The following CCSER1 variants were observed in gnomAD, a reference collection of about 807,000 sequenced individuals.
CCSER1 encodes serine-rich coiled-coil domain-containing protein 1.
Under a neutral mutation model 82.0 loss-of-function variants are expected in CCSER1, and 41 were observed. The observed-to-expected ratio is 0.50, with a 90% CI of 0.39 to 0.65. The LOEUF (loss-of-function observed/expected upper bound fraction) is 0.65. Among genes scored for constraint, CCSER1 ranks in the 30% least tolerant of loss-of-function variants. The pLI is 0.00. For missense variants in CCSER1, 1,119 were observed against 1,064.2 expected, an observed-to-expected ratio of 1.05 and a Z score of -0.72; for synonymous variants, 414 against 383.9, an observed-to-expected ratio of 1.08 and a Z score of -0.92.
chr4:91,470,132 G>A (rs1033087827), intron 10 of CCSER1, among the ~76,000 whole-genome samples: 9 of 152,096 alleles, frequency 5.9e-5, no homozygotes, highest in Middle Eastern at 3.2e-3. Flanking sequence ...TGGGCTAATC[G>A]TATCTTTATT....
chr4:90,862,194 T>TA (rs1200335788), intron 8 of CCSER1, among the ~76,000 whole-genome samples: 2 of 151,732 alleles, frequency 1.3e-5, no homozygotes, highest in African/African-American at 4.8e-5. Context: ...GTTATTTATT[T>TA]AAAAAAACTC....
Position 90,476,566 on chromosome 4 carries a change from A to C in CCSER1, c.1724+8212A>C, listed in dbSNP as rs541437762. Among the ~76,000 whole-genome samples the C allele has an allele frequency of 1.7e-4, 26 of 152,168 alleles. No individual in the cohort carries two copies. In the South Asian group the frequency reaches 4.8e-3, roughly 28 times the overall value. On this transcript the variant is annotated intron_variant, in intron 5 of 10. Coordinates refer to ENST00000509176, the MANE Select transcript of CCSER1 (RefSeq NM_001145065.2). ...TTCTGTATTTTTTTTTATCATCTCT[A>C]TTCAACCTTTTGGAAAGATATGAGC...
intron 10 of CCSER1, among the ~76,000 whole-genome samples, chr4:91,223,520 G>A (rs868665501): frequency 6.6e-6 from 1 of 152,026 alleles, no homozygotes; most frequent in Non-Finnish European, 1.5e-5. Flanking sequence ...TTCCAAAGGG[G>A]GAAAAATCAC....
rs146628906 is a variant in CCSER1 at position 91,155,066 on chromosome 4, A to G, written c.2217+69072A>G. On this transcript the variant is annotated intron_variant, in intron 10 of 10. Transcript: ENST00000509176. The stretch of plus-strand genomic sequence containing the variant: ...AAAAATCCTAAAACCTAGAGGCTTA[A>G]AAGAATATCCCATAATTCTTTGGGC... 5.3e-5 allele frequency among the ~76,000 whole-genome samples: 8 copies of G among 151,806 alleles called. No homozygotes were observed. In the East Asian group the frequency reaches 1.4e-3, roughly 26 times the overall value.
chr4:90,855,053 G>A (rs561944616), intron 8 of CCSER1, among the ~76,000 whole-genome samples: 4 of 152,100 alleles, frequency 2.6e-5, no homozygotes, highest in South Asian at 2.1e-4. Flanking sequence ...ACCAGATCTC[G>A]TGAGAACTCA....
At chr4:91,570,457 G>A (rs1234331048) in intron 10 of CCSER1, among the ~76,000 whole-genome samples, 1 of 152,212 alleles carries the variant, frequency 6.6e-6, no homozygotes, top group Non-Finnish European at 1.5e-5. Flanking sequence ...TGGACATCCA[G>A]GTGTTTTTAT....
At chr4:90,465,147 A>G (rs1763453851) in intron 4 of CCSER1, among the ~76,000 whole-genome samples, 1 of 151,662 alleles carries the variant, frequency 6.6e-6, no homozygotes, top group African/African-American at 2.4e-5. Context: ...TATTTTTATT[A>G]GAGACAGGCT....
intron 6 of CCSER1, among the ~76,000 whole-genome samples, chr4:90,688,337 A>G (rs1211237190): frequency 6.6e-6 from 1 of 152,114 alleles, no homozygotes. Flanking sequence ...GCATGCATGT[A>G]TGCATGGTGT....
At chr4:91,019,780 A>T (rs1739760910) in intron 9 of CCSER1, among the ~76,000 whole-genome samples, 1 of 152,206 alleles carries the variant, frequency 6.6e-6, no homozygotes, top group Non-Finnish European at 1.5e-5. Context: ...GATAAATGGG[A>T]TCCTTAGAGC....
chr4:90,657,719 TCA>T (rs1205002916), intron 6 of CCSER1, among the ~76,000 whole-genome samples: 4 of 152,218 alleles, frequency 2.6e-5, no homozygotes, highest in Non-Finnish European at 5.9e-5. Context: ...TGATTTTACA[TCA>T]CAGTTTTCAA....
intron 6 of CCSER1, among the ~76,000 whole-genome samples, chr4:90,720,855 T>C (rs911500225): frequency 2.6e-5 from 4 of 152,162 alleles, no homozygotes; most frequent in Non-Finnish European, 4.4e-5. Context: ...ATCAACTTTA[T>C]TTTCTGATTA....
intron 9 of CCSER1, among the ~76,000 whole-genome samples, chr4:91,055,336 A>G (rs2148719810): frequency 6.6e-6 from 1 of 152,318 alleles, no homozygotes; most frequent in East Asian, 1.9e-4. Context: ...ATACATGTGT[A>G]TCCGAAACAT....
chr4:91,418,314 A>AAC (rs1239265709), intron 10 of CCSER1, among the ~76,000 whole-genome samples: 9 of 151,002 alleles, frequency 6.0e-5, no homozygotes, highest in African/African-American at 1.9e-4. Context: ...AAAAAAAAAA[A>AAC]AAACAAAATT....
intron 1 of CCSER1, among the ~76,000 whole-genome samples, chr4:90,299,564 A>T (rs78488797): frequency 0.017 from 2,614 of 152,032 alleles, 97 homozygotes; most frequent in African/African-American, 0.06. Flanking sequence ...CCATCCTTTT[A>T]ATGTGTCTCA....
Position 90,153,335 on chromosome 4 carries a change from G to A in CCSER1, c.-42+25504G>A, listed in dbSNP as rs866510942. ...AGTCTTTGCTATTGTGAATAGTGCC[G>A]CAATAAACATACATGTGCATGTGTC... On this transcript the variant is annotated intron_variant, in intron 1 of 10. Transcript: ENST00000509176. Among the ~76,000 whole-genome samples, 20 of 151,932 alleles carry A rather than the reference G, an allele frequency of 1.3e-4. No individual in the cohort carries two copies. The East Asian group carries it at 1.4e-3, about 10-fold the overall frequency.
intron 9 of CCSER1, among the ~76,000 whole-genome samples, chr4:90,993,955 A>T (rs919173849): frequency 2.0e-5 from 3 of 152,154 alleles, no homozygotes; most frequent in Admixed American, 6.6e-5. Context: ...TAAGTGCTCT[A>T]TACAGATGTT....
At chr4:90,709,143 T>C (rs1023745718) in intron 6 of CCSER1, among the ~76,000 whole-genome samples, 2 of 152,158 alleles carry the variant, frequency 1.3e-5, no homozygotes, top group African/African-American at 2.4e-5. Context: ...TTCCATATAA[T>C]GTAAACTTAA....
At chr4:90,274,424 G>C (rs937525682) in intron 1 of CCSER1, among the ~76,000 whole-genome samples, 9 of 151,344 alleles carry the variant, frequency 5.9e-5, no homozygotes, top group South Asian at 2.1e-4. Context: ...CATTTTGTTT[G>C]CTTAAATACG....
At chr4:91,368,656 A>G (rs1379215625) in intron 10 of CCSER1, among the ~76,000 whole-genome samples, 1 of 152,142 alleles carries the variant, frequency 6.6e-6, no homozygotes, top group Admixed American at 6.6e-5. Context: ...TAATTGCCAT[A>G]CAATTTTATG....
Sources: allele counts gnomAD v4.1 joint callset (sites outside exome capture counted in the v4.1 genomes callset), GRCh38; gene constraint gnomAD v4.1.1; transcripts MANE v1.5; gene names NCBI Gene and HGNC (gene_info 2026-07-23, HGNC 2026-07-21).